Variants in PDK4 observed in about 807,000 individuals in gnomAD.
The protein encoded by PDK4 is pyruvate dehydrogenase kinase 4, also known as pyruvate dehydrogenase kinase, isozyme 4.
PDK4 carries 43 observed loss-of-function variants against 51.7 expected under a neutral mutation model. That is an observed-to-expected ratio of 0.83 (90% confidence interval 0.65 to 1.07). PDK4 has a LOEUF of 1.07. Ranked by LOEUF, PDK4 falls within the 50% of genes least tolerant of loss-of-function variation. PDK4 has a pLI of 0.00. For synonymous variants in PDK4, 170 were observed against 176.6 expected (o/e 0.96, Z 0.30); for missense variants, 498 against 503.5 (o/e 0.99, Z 0.10).
rs528466543 is a variant in PDK4, at chr7:95,585,464, T to C, written c.*177A>G. 3.2e-5 allele frequency: 15 copies of C among 475,924 alleles called. No homozygotes were observed. Among genetic ancestry groups the C allele is most frequent in the African/African-American group, 2.9e-4 (15 of 52,432 alleles). 29.5% of individuals were successfully genotyped at this position (475,924 alleles called of 1,614,324 possible). A position where few individuals can be genotyped will look rare whatever the true frequency, so the allele number is the denominator to read the frequency against. ...TCTGTTAACTCCTGTAGTCTTGCAC[T>C]AAGTTCTCCTGGGTCACAGAAACAA... is the stretch of plus-strand genomic sequence containing the variant. On this transcript the variant is annotated 3_prime_UTR_variant, in exon 11 of 11. Transcript: ENST00000005178.
At chr7:95,592,718 A>G (rs1791566529) in intron 4 of PDK4, 42 bp downstream of exon 4, 1 of 1,509,518 alleles carries the variant, frequency 6.6e-7, no homozygotes, top group Non-Finnish European at 9.2e-7. Flanking sequence ...CTTATATTCT[A>G]CACCCATGTC....
In PDK4 at chr7:95,585,051, T is replaced by G. The variant is rs1259711177; in HGVS notation, c.*590A>C. The G allele has an allele frequency of 6.6e-6, 1 of 152,272 alleles. No homozygotes were observed. Among genetic ancestry groups the G allele is most frequent in the African/African-American group, 2.4e-5 (1 of 41,458 alleles). 9.4% of individuals were successfully genotyped at this position (152,272 alleles called of 1,614,324 possible). ...CACTGCAACTTTGAATACAATGCTT[T>G]GAATTTTGAAACACTTGAATAAAAT... On this transcript the variant is annotated 3_prime_UTR_variant, in exon 11 of 11. Transcript: ENST00000005178.
intron 1 of PDK4, 56 bp from the exon 2 acceptor site, chr7:95,595,220 C>T: frequency 1.7e-6 from 2 of 1,172,102 alleles, no homozygotes; most frequent in Non-Finnish European, 2.5e-6. Context: ...AATGATATAT[C>T]TAAATAGCAT....
In PDK4 at chr7:95,591,993, A is replaced by C; in HGVS notation, c.689T>G (p.Val230Gly). The change falls in exon 6 of 11, where the codon GTG (valine) becomes GGG (glycine). Residue 230 changes from valine (V) to glycine (G), a missense_variant. Transcript: ENST00000005178. The stretch of plus-strand genomic sequence containing the variant: ...ATATTTTACTTATAACTTACCATTC[A>C]CTTGTGTAAGCTTTAATTCTGGAGA... ...LSSPELKLTQ[V>G]NGKFPDQPIH... The C allele has an allele frequency of 6.8e-7, 1 of 1,466,390 alleles. No individual in the cohort carries two copies. Among genetic ancestry groups the C allele is most frequent in the Non-Finnish European group, 9.4e-7 (1 of 1,064,612 alleles). The allele number at this position is 1,466,390 out of a possible 1,614,324, so 90.8% of individuals were successfully genotyped here. A position where few individuals can be genotyped will look rare whatever the true frequency, so the allele number is the denominator to read the frequency against.
rs950118063 is a variant in PDK4, at chr7:95,596,512, G to A, written c.-219C>T. 1.0e-5 allele frequency: 5 copies of A among 499,036 alleles called. No homozygotes were observed. Among genetic ancestry groups the A allele is most frequent in the Non-Finnish European group, 1.4e-5 (4 of 291,370 alleles). 30.9% of individuals were successfully genotyped at this position (499,036 alleles called of 1,614,324 possible). ...GCAGTGGTTCGAGATTCAAGTTCAA[G>A]TCTTCCCACCAGCCGCCGCCGCCCG... On this transcript the variant is annotated 5_prime_UTR_variant, in exon 1 of 11. Coordinates refer to ENST00000005178, the MANE Select transcript of PDK4 (RefSeq NM_002612.4).
rs1008384140 is a variant in PDK4 at position 95,583,547 on chromosome 7, T to G, written c.*2094A>C. The stretch of plus-strand genomic sequence containing the variant: ...ATTATAAAAAATTATCACATTTCTC[T>G]GTACATAGCATAAAGACAAAAACAC... On this transcript the variant is annotated 3_prime_UTR_variant, in exon 11 of 11. Coordinates refer to ENST00000005178, the MANE Select transcript of PDK4 (RefSeq NM_002612.4). The G allele has an allele frequency of 2.6e-5, 4 of 152,316 alleles. No individual in the cohort carries two copies. In the South Asian group the frequency reaches 8.3e-4, roughly 32 times the overall value. 9.4% of individuals were successfully genotyped at this position (152,316 alleles called of 1,614,324 possible). A position where few individuals can be genotyped will look rare whatever the true frequency, so the allele number is the denominator to read the frequency against.
rs74889271 is a variant in PDK4, at chr7:95,591,974, T to A, written c.694+14A>T. Reference sequence around the variant, plus strand: ...ATTTTCCACAGGTTAAAATATATTTTACTTATAACTTACCATTCACTTGTG... The same window carrying A: ...ATTTTCCACAGGTTAAAATATATTTAACTTATAACTTACCATTCACTTGTG... On this transcript the variant is annotated intron_variant, in intron 6 of 10. Transcript: ENST00000005178. The A allele has an allele frequency of 1.7e-3, 2,107 of 1,276,048 alleles. 3 individuals carry two copies. Among genetic ancestry groups the A allele is most frequent in the Non-Finnish European group, 2.0e-3 (1,812 of 900,304 alleles). The allele number at this position is 1,276,048 out of a possible 1,614,324, so 79.0% of individuals were successfully genotyped here.
intron 1 of PDK4, among the ~76,000 whole-genome samples, chr7:95,595,872 A>G (rs1402412531): frequency 6.6e-6 from 1 of 152,200 alleles, no homozygotes. Context: ...ACGGTGACCG[A>G]AAGCAAAAAG....
At chr7:95,594,273 T>G (rs1264939268) in intron 2 of PDK4, among the ~76,000 whole-genome samples, 1 of 152,184 alleles carries the variant, frequency 6.6e-6, no homozygotes, top group Non-Finnish European at 1.5e-5. Flanking sequence ...GTCTCATGCA[T>G]GTCTGCTACC....
At chr7:95,586,194 GTTTTTTTT>G (rs11377701) in intron 10 of PDK4, among the ~76,000 whole-genome samples, 1 of 120,810 alleles carries the variant, frequency 8.3e-6, no homozygotes, top group Non-Finnish European at 1.6e-5. Context: ...ATGCACCAAG[GTTTTTTTT>G]TTTTTTTTTT....
In PDK4 at chr7:95,596,478, G is replaced by A. The variant is rs986444311; in HGVS notation, c.-185C>T. The A allele has an allele frequency of 2.2e-5, 11 of 494,350 alleles. No homozygotes were observed. Among genetic ancestry groups the A allele is most frequent in the Middle Eastern group, 5.2e-4 (1 of 1,938 alleles). 30.6% of individuals were successfully genotyped at this position (494,350 alleles called of 1,614,324 possible). ...CCGCGGAGTGAAGAGTCTGGGCAGA[G>A]TCGGAGATGCAGTGGTTCGAGATTC... On this transcript the variant is annotated 5_prime_UTR_variant, in exon 1 of 11. Coordinates refer to ENST00000005178, the MANE Select transcript of PDK4 (RefSeq NM_002612.4).
At chr7:95,589,573 GGA>G in intron 7 of PDK4, 65 bp downstream of exon 7, 1 of 778,490 alleles carries the variant, frequency 1.3e-6, no homozygotes, top group African/African-American at 1.8e-5. Context: ...GAATAATAAA[GGA>G]GATAAAAATA....
rs114190608 is a variant in PDK4 at position 95,592,621 on chromosome 7, A to G, written c.530-24T>C. 1.1e-3 allele frequency: 1,703 copies of G among 1,537,786 alleles called. 19 individuals carry two copies. In the African/African-American group the frequency reaches 0.021, roughly 19 times the overall value. ...AACTGTTGAAAAATAAAAACAAAAA[A>G]AAATTGTTATAAAATTCAGGATAAT... On this transcript the variant is annotated intron_variant, in intron 4 of 10. Coordinates refer to ENST00000005178, the MANE Select transcript of PDK4 (RefSeq NM_002612.4).
At chr7:95,585,873 T>A in intron 10 of PDK4, 92 bp from the exon 11 acceptor site, 2 of 1,118,432 alleles carry the variant, frequency 1.8e-6, no homozygotes, top group South Asian at 1.6e-5. Flanking sequence ...CATTCAGAGG[T>A]AAGTATCCAA....
chr7:95,585,906 T>C (rs1225382489), intron 10 of PDK4, 125 bp from the exon 11 acceptor site: 3 of 784,366 alleles, frequency 3.8e-6, no homozygotes, highest in Non-Finnish European at 6.0e-6. Context: ...ATTCATTTAA[T>C]TGACACAGTA....
At position 95,596,260 on chromosome 7, in the gene PDK4, C is replaced by A; in HGVS notation, c.34G>T (p.Gly12Cys). The A allele has an allele frequency of 6.3e-7, 1 of 1,588,356 alleles. No homozygotes were observed. The highest frequency in any genetic ancestry group is 8.6e-7 in the Non-Finnish European group (1 of 1,167,948). ...KAARFVLRSA[G>C]SLNGAGLVPR... Reference sequence around the variant, plus strand: ...ACCAGGCCGGCGCCGTTGAGCGAGCCAGCGCTGCGCAGCACGAAGCGGGCC... The same window carrying A: ...ACCAGGCCGGCGCCGTTGAGCGAGCAAGCGCTGCGCAGCACGAAGCGGGCC... The change falls in exon 1 of 11, where the codon GGC becomes TGC. Residue 12 changes from glycine to cysteine, a missense_variant. Coordinates refer to ENST00000005178, the MANE Select transcript of PDK4 (RefSeq NM_002612.4).
rs1247738995 is a variant in PDK4, at chr7:95,584,261, T to A, written c.*1380A>T. 6.6e-6 allele frequency: 1 copy of A among 151,856 alleles called. No homozygotes were observed. Among genetic ancestry groups the A allele is most frequent in the Non-Finnish European group, 1.5e-5 (1 of 67,980 alleles). 9.4% of individuals were successfully genotyped at this position (151,856 alleles called of 1,614,324 possible). A position where few individuals can be genotyped will look rare whatever the true frequency, so the allele number is the denominator to read the frequency against. ...AATGACATATCCCAGAAAATACAGATTTTTTTTGAAATAATTTGTGGGGAA... is the reference window on the plus strand; with the variant it reads ...AATGACATATCCCAGAAAATACAGAATTTTTTTGAAATAATTTGTGGGGAA... On this transcript the variant is annotated 3_prime_UTR_variant, in exon 11 of 11. Transcript: ENST00000005178.
At chr7:95,587,625 A>G in intron 8 of PDK4, 97 bp from the exon 9 acceptor site, 1 of 1,136,970 alleles carries the variant, frequency 8.8e-7, no homozygotes, top group Non-Finnish European at 1.3e-6. Context: ...ATCACCTGGC[A>G]TATATGACTG....
At chr7:95,588,816 C>T (rs907525624) in intron 7 of PDK4, among the ~76,000 whole-genome samples, 2 of 152,150 alleles carry the variant, frequency 1.3e-5, no homozygotes, top group Admixed American at 6.5e-5. Context: ...AATCTTAGGA[C>T]GCATGAAAGG....
Sources: gnomAD v4.1 joint callset for allele counts (sites outside exome capture counted in the v4.1 genomes callset) on GRCh38, gnomAD v4.1.1 for gene constraint, MANE v1.5 for transcripts, NCBI Gene and HGNC (gene_info 2026-07-23, HGNC 2026-07-21) for gene names.